The following NUP107 variants were observed in gnomAD, a reference collection of about 807,000 sequenced individuals.
The protein encoded by NUP107 is nucleoporin 107, also known as nuclear pore complex protein Nup107.
A neutral mutation model predicts 141.0 loss-of-function variants in NUP107; 101 were observed. The ratio of observed to expected loss-of-function variants is 0.72; its 90% CI spans 0.61 to 0.84. The LOEUF is 0.84. Among genes scored for constraint, NUP107 ranks in the 40% least tolerant of loss-of-function variants. The probability of loss-of-function intolerance (pLI) is 0.00; values close to 1 mark genes in which losing one functional copy is unlikely to be tolerated. For missense variants in NUP107, 941 were observed against 1,102.7 expected (o/e 0.85, Z 2.08); for synonymous variants, 319 against 363.9 (o/e 0.88, Z 1.41).
intron 17 of NUP107, 143 bp downstream of exon 17, chr12:68,722,295 A>T (rs1877388047): frequency 1.5e-6 from 1 of 649,632 alleles, no homozygotes; most frequent in South Asian, 3.0e-5. Context: ...AAACGAAGAA[A>T]CTTAATTACA....
chr12:68,710,581 G>A (rs556025366), intron 10 of NUP107, among the ~76,000 whole-genome samples: 2 of 150,052 alleles, frequency 1.3e-5, no homozygotes, highest in East Asian at 4.0e-4. Context: ...CTGAAATCCA[G>A]GAGGTGGAGG....
At chr12:68,714,595 C>A (rs1337986079) in intron 11 of NUP107, among the ~76,000 whole-genome samples, 1 of 152,132 alleles carries the variant, frequency 6.6e-6, no homozygotes, top group Admixed American at 6.5e-5. Context: ...TTCATATTAC[C>A]ATACACTAAG....
At chr12:68,696,207 TACA>T (rs1042570666) in intron 5 of NUP107, among the ~76,000 whole-genome samples, 5 of 148,324 alleles carry the variant, frequency 3.4e-5, no homozygotes, top group Admixed American at 1.3e-4. Context: ...CTACTAAAAA[TACA>T]ACAAGTTGGC....
chr12:68,732,658 G>A lies in NUP107; in HGVS notation c.2020G>A (p.Val674Ile), dbSNP rs751382140. 4.4e-6 allele frequency: 7 copies of A among 1,596,342 alleles called. No homozygotes were observed. The highest frequency in any genetic ancestry group is 6.0e-6 in the Non-Finnish European group (7 of 1,168,440). The change falls in exon 23 of 28, where the codon GTA (valine) becomes ATA (isoleucine). Residue 674 changes from valine to isoleucine, a missense_variant. Transcript: ENST00000229179. ...ATAGGAGGATCGTTTAAAAATTGATGTAATTGACTGGTTGGTATTTGACCC... is the reference window on the plus strand; with the variant it reads ...ATAGGAGGATCGTTTAAAAATTGATATAATTGACTGGTTGGTATTTGACCC... Reference protein sequence around the residue: ...TTEEDRLKIDVIDWLVFDPAQ... With the variant: ...TTEEDRLKIDIIDWLVFDPAQ...
chr12:68,693,446 A>G (rs1264685234), intron 5 of NUP107, among the ~76,000 whole-genome samples: 1 of 152,118 alleles, frequency 6.6e-6, no homozygotes, highest in Non-Finnish European at 1.5e-5. Flanking sequence ...ACTCCTGGAC[A>G]CAAGTGATCC....
At chr12:68,688,866 C>A in intron 1 of NUP107, 96 bp from the exon 2 acceptor site, 1 of 835,904 alleles carries the variant, frequency 1.2e-6, no homozygotes, top group Non-Finnish European at 1.9e-6. Context: ...TATACCTTAA[C>A]TTACTCAGGG....
At chr12:68,711,752 G>A (rs987909517) in intron 10 of NUP107, among the ~76,000 whole-genome samples, 1 of 152,200 alleles carries the variant, frequency 6.6e-6, no homozygotes, top group African/African-American at 2.4e-5. Context: ...TGGGAACACA[G>A]CAAGGAAAAG....
Position 68,690,683 on chromosome 12 carries a change from T to G in NUP107, c.240T>G (p.Leu80=). ...LLRQPDISCI[L]GTGGKSPRLT... is the part of the protein sequence containing the mutation. The stretch of plus-strand genomic sequence containing the variant: ...GGCAGCCAGATATTTCCTGCATTCT[T>G]GGAACAGGAGGGAAGTCGCCCCGAC... The change falls in exon 4 of 28, where the codon CTT becomes CTG. Residue 80 remains leucine (L), a synonymous_variant. Coordinates refer to ENST00000229179, the MANE Select transcript of NUP107 (RefSeq NM_020401.4). 1 of 1,614,152 alleles carries G rather than the reference T, an allele frequency of 6.2e-7. No homozygotes were observed. Among genetic ancestry groups the G allele is most frequent in the Non-Finnish European group, 8.5e-7 (1 of 1,179,982 alleles).
Position 68,715,722 on chromosome 12 carries a change from T to C in NUP107, c.1065T>C (p.Arg355=), listed in dbSNP as rs768809186. ...RLLKYLFTLI[R]AGMTEEAQRL... Reference sequence around the variant, plus strand: ...TCAAATATCTCTTTACTCTAATCCGTGCTGGAATGACAGAAGAGGTCAGTC... The same window carrying C: ...TCAAATATCTCTTTACTCTAATCCGCGCTGGAATGACAGAAGAGGTCAGTC... The change falls in exon 12 of 28, where the codon CGT becomes CGC. Residue 355 remains arginine, a synonymous_variant. Coordinates refer to ENST00000229179, the MANE Select transcript of NUP107 (RefSeq NM_020401.4). The C allele has an allele frequency of 4.4e-6, 7 of 1,607,018 alleles. No individual in the cohort carries two copies. The South Asian group carries it at 7.7e-5, about 18-fold the overall frequency.
At chr12:68,739,277 A>G (rs1264235857) in intron 26 of NUP107, among the ~76,000 whole-genome samples, 1 of 152,230 alleles carries the variant, frequency 6.6e-6, no homozygotes, top group Non-Finnish European at 1.5e-5. Flanking sequence ...TCTGATATAA[A>G]ACATATTAAT....
chr12:68,729,855 A>G (rs1339359510), intron 20 of NUP107, among the ~76,000 whole-genome samples: 1 of 151,576 alleles, frequency 6.6e-6, no homozygotes, highest in African/African-American at 2.4e-5. Flanking sequence ...CAATGGCGCA[A>G]TCTCAGCTCA....
rs1422991780 is a variant in NUP107, at chr12:68,721,996, T to C, written c.1457+10T>C. 1 of 1,613,308 alleles carries C rather than the reference T, an allele frequency of 6.2e-7. No homozygotes were observed. Among genetic ancestry groups the C allele is most frequent in the East Asian group, 2.2e-5 (1 of 44,856 alleles). On this transcript the variant is annotated intron_variant, in intron 16 of 27. Transcript: ENST00000229179. ...AATATCTGGGAGCAAAGTGAGTTTG[T>C]TGGATTGTTTTGAGTCATGGTGATT...
chr12:68,742,309 T>C (rs1196995137), intron 27 of NUP107, 46 bp from the exon 28 acceptor site: 2 of 1,222,610 alleles, frequency 1.6e-6, no homozygotes, highest in East Asian at 2.3e-5. Flanking sequence ...TTCATACTTG[T>C]CTACTTGTCT....
Position 68,745,142 on chromosome 12 carries a change from C to G in NUP107, c.*2680C>G, listed in dbSNP as rs1486744738. On this transcript the variant is annotated 3_prime_UTR_variant, in exon 28 of 28. Transcript: ENST00000229179. ...TGTTGCCCATCCCGGCTTCCAACTC[C>G]TGGGCTCAAGCAATCCTCCCACGTC... The G allele has an allele frequency of 6.6e-6, 1 of 152,182 alleles. No individual in the cohort carries two copies. Among genetic ancestry groups the G allele is most frequent in the Admixed American group, 6.5e-5 (1 of 15,270 alleles). 9.4% of individuals were successfully genotyped at this position (152,182 alleles called of 1,614,324 possible). A position where few individuals can be genotyped will look rare whatever the true frequency, so the allele number is the denominator to read the frequency against.
chr12:68,696,961 A>G (rs1592494511), intron 6 of NUP107, 39 bp downstream of exon 6: 1 of 1,291,618 alleles, frequency 7.7e-7, no homozygotes, highest in African/African-American at 1.5e-5. Context: ...AAACTTCAGT[A>G]TTTTTAGTTT....
At chr12:68,691,202 C>G (rs1301928303) in intron 4 of NUP107, among the ~76,000 whole-genome samples, 1 of 152,150 alleles carries the variant, frequency 6.6e-6, no homozygotes, top group Non-Finnish European at 1.5e-5. Context: ...CCTTATGCAT[C>G]TGATATCACA....
At chr12:68,733,707 G>T in intron 24 of NUP107, 95 bp downstream of exon 24, 1 of 1,264,098 alleles carries the variant, frequency 7.9e-7, no homozygotes, top group Non-Finnish European at 1.1e-6. Context: ...AGTAGTGTTG[G>T]TTCATCTTAC....
At position 68,745,639 on chromosome 12, in the gene NUP107, T is replaced by C. The variant is rs935176567; in HGVS notation, c.*3177T>C. Reference sequence around the variant, plus strand: ...TTGTAAGTGAACACAGTAGCACTCGTTTACATTGTCAAGGGGACATCTTTA... The same window carrying C: ...TTGTAAGTGAACACAGTAGCACTCGCTTACATTGTCAAGGGGACATCTTTA... On this transcript the variant is annotated 3_prime_UTR_variant, in exon 28 of 28. Coordinates refer to ENST00000229179, the MANE Select transcript of NUP107 (RefSeq NM_020401.4). The C allele has an allele frequency of 2.0e-5, 3 of 152,210 alleles. No individual in the cohort carries two copies. Among genetic ancestry groups the C allele is most frequent in the African/African-American group, 7.2e-5 (3 of 41,438 alleles). The allele number at this position is 152,210 out of a possible 1,614,324, so 9.4% of individuals were successfully genotyped here. A position where few individuals can be genotyped will look rare whatever the true frequency, so the allele number is the denominator to read the frequency against.
chr12:68,723,601 A>C (rs1877440788), intron 17 of NUP107, among the ~76,000 whole-genome samples: 1 of 152,172 alleles, frequency 6.6e-6, no homozygotes, highest in African/African-American at 2.4e-5. Context: ...TGTCTCAAAA[A>C]AAAAGAAAAA....
Sources: allele counts gnomAD v4.1 joint callset (sites outside exome capture counted in the v4.1 genomes callset), GRCh38; gene constraint gnomAD v4.1.1; transcripts MANE v1.5; gene names NCBI Gene and HGNC (gene_info 2026-07-23, HGNC 2026-07-21).